The following CSGALNACT1 variants were observed in gnomAD, a reference collection of about 807,000 sequenced individuals.
CSGALNACT1 encodes beta4GalNAcT-1.
A neutral mutation model predicts 51.0 loss-of-function variants in CSGALNACT1; 52 were observed. The ratio of observed to expected loss-of-function variants is 1.02; its 90% CI spans 0.82 to 1.29. The LOEUF (loss-of-function observed/expected upper bound fraction) is 1.29, where lower values mean the gene tolerates loss of function less well. Among genes scored for constraint, CSGALNACT1 ranks in the 50% most tolerant of loss-of-function variants. The pLI is 0.00. For missense variants in CSGALNACT1, 935 were observed against 679.2 expected (o/e 1.38, Z -4.19); for synonymous variants, 341 against 254.4 (o/e 1.34, Z -3.24).
intron 3 of CSGALNACT1, among the ~76,000 whole-genome samples, chr8:19,528,352 C>T (rs75376882): frequency 0.076 from 11,542 of 151,776 alleles, 567 homozygotes; most frequent in Middle Eastern, 0.15. Flanking sequence ...TGTTATTCCG[C>T]TATTAGACAT....
intron 3 of CSGALNACT1, among the ~76,000 whole-genome samples, chr8:19,529,579 T>C (rs1039748375): frequency 6.6e-6 from 1 of 152,164 alleles, no homozygotes; most frequent in African/African-American, 2.4e-5. Flanking sequence ...AGTTATCAAA[T>C]ACGTATCAAT....
In CSGALNACT1 at chr8:19,415,654, G is replaced by A. The variant is rs116918919; in HGVS notation, c.1227+3002C>T. ...AGAAAAATCTTTTGGATTGTAAAAC[G>A]AAAACAATTCCTTGCAAGCAAATAA... On this transcript the variant is annotated intron_variant, in intron 8 of 9. Transcript: ENST00000454498. 7.5e-4 allele frequency among the ~76,000 whole-genome samples: 114 copies of A among 152,278 alleles called. 1 individual carries two copies. The East Asian group carries it at 0.019, about 25-fold the overall frequency.
chr8:19,631,770 A>G (rs1029496649), intron 1 of CSGALNACT1, among the ~76,000 whole-genome samples: 2 of 152,216 alleles, frequency 1.3e-5, no homozygotes, highest in African/African-American at 4.8e-5. Flanking sequence ...TTTCTTTAGC[A>G]TTTCTGGATT....
chr8:19,590,682 C>T (rs1271479475), intron 3 of CSGALNACT1, among the ~76,000 whole-genome samples: 2 of 117,352 alleles, frequency 1.7e-5, no homozygotes, highest in Admixed American at 1.2e-4. Context: ...TGGAGTCTCG[C>T]TCTGTCGCCC....
intron 4 of CSGALNACT1, among the ~76,000 whole-genome samples, chr8:19,470,236 T>C (rs1033790850): frequency 6.6e-6 from 1 of 152,018 alleles, no homozygotes; most frequent in African/African-American, 2.4e-5. Flanking sequence ...AGAGAAAGCT[T>C]GGGGCAAGGA....
intron 1 of CSGALNACT1, among the ~76,000 whole-genome samples, chr8:19,656,603 CA>C (rs1564362138): frequency 4.8e-4 from 18 of 37,114 alleles, no homozygotes; most frequent in Non-Finnish European, 9.2e-4. Flanking sequence ...CCCCCCCCCA[CA>C]CACACACACG....
At chr8:19,740,297 G>A (rs913184553) in intron 1 of CSGALNACT1, among the ~76,000 whole-genome samples, 1 of 152,062 alleles carries the variant, frequency 6.6e-6, no homozygotes, top group African/African-American at 2.4e-5. Context: ...TGTCTCACCC[G>A]AGTCACATGA....
chr8:19,497,229 G>C (rs760870020), intron 4 of CSGALNACT1, among the ~76,000 whole-genome samples: 1 of 152,212 alleles, frequency 6.6e-6, no homozygotes, highest in Non-Finnish European at 1.5e-5. Context: ...TGAATAACAA[G>C]AAACAGCAGA....
At chr8:19,646,554 A>G (rs2057297759) in intron 1 of CSGALNACT1, among the ~76,000 whole-genome samples, 3 of 152,356 alleles carry the variant, frequency 2.0e-5, no homozygotes, top group Middle Eastern at 3.4e-3. Flanking sequence ...ACAGCCCCTT[A>G]TATTGGTATA....
intron 4 of CSGALNACT1, among the ~76,000 whole-genome samples, chr8:19,461,871 G>T (rs78359286): frequency 2.3e-5 from 3 of 131,160 alleles, no homozygotes; most frequent in Non-Finnish European, 5.3e-5. Flanking sequence ...CATGGAGGGC[G>T]TATCCACACA....
intron 1 of CSGALNACT1, among the ~76,000 whole-genome samples, chr8:19,681,029 A>G (rs1027229379): frequency 4.6e-5 from 7 of 152,126 alleles, no homozygotes; most frequent in African/African-American, 1.4e-4. Flanking sequence ...TTACACACCA[A>G]TACTACTCCA....
At chr8:19,562,708 T>C (rs775261976) in intron 3 of CSGALNACT1, among the ~76,000 whole-genome samples, 57 of 152,246 alleles carry the variant, frequency 3.7e-4, no homozygotes, top group Non-Finnish European at 5.3e-4. Flanking sequence ...ATTAGAGAAA[T>C]GCAAACCAAA....
At chr8:19,418,781 A>G (rs1054937925) in intron 7 of CSGALNACT1, 31 bp from the exon 7 acceptor site, 1 of 1,456,382 alleles carries the variant, frequency 6.9e-7, no homozygotes, top group Middle Eastern at 1.7e-4. Context: ...ATTCACTTAA[A>G]GTGACAGATC....
At chr8:19,490,277 G>A (rs996954600) in intron 4 of CSGALNACT1, among the ~76,000 whole-genome samples, 1 of 152,138 alleles carries the variant, frequency 6.6e-6, no homozygotes, top group African/African-American at 2.4e-5. Flanking sequence ...GACTCACACT[G>A]GTTTTCACAG....
At chr8:19,538,913 C>T (rs943203116) in intron 3 of CSGALNACT1, among the ~76,000 whole-genome samples, 33 of 152,116 alleles carry the variant, frequency 2.2e-4, no homozygotes, top group Admixed American at 9.8e-4. Flanking sequence ...CTGCCTGGAC[C>T]GCTCATCCTG....
intron 5 of CSGALNACT1, among the ~76,000 whole-genome samples, chr8:19,442,810 A>AT (rs1421630908): frequency 6.6e-6 from 1 of 152,056 alleles, no homozygotes; most frequent in Non-Finnish European, 1.5e-5. Flanking sequence ...CTCTTTTCTT[A>AT]TGTGGGCCAA....
At chr8:19,595,350 G>T (rs952390967) in intron 2 of CSGALNACT1, among the ~76,000 whole-genome samples, 2 of 152,144 alleles carry the variant, frequency 1.3e-5, no homozygotes, top group African/African-American at 2.4e-5. Context: ...TCCAATCCAA[G>T]AATTGGTACT....
chr8:19,410,967 C>A (rs970392872), intron 8 of CSGALNACT1, among the ~76,000 whole-genome samples: 8 of 152,178 alleles, frequency 5.3e-5, no homozygotes, highest in Non-Finnish European at 8.8e-5. Flanking sequence ...AGCACACATC[C>A]GATTATATCA....
chr8:19,610,612 G>C (rs2052103308), intron 1 of CSGALNACT1, among the ~76,000 whole-genome samples: 1 of 152,162 alleles, frequency 6.6e-6, no homozygotes, highest in African/African-American at 2.4e-5. Flanking sequence ...AGCAGAAGGA[G>C]AACAATGCAG....
Sources: allele counts gnomAD v4.1 joint callset (sites outside exome capture counted in the v4.1 genomes callset), GRCh38; gene constraint gnomAD v4.1.1; transcripts MANE v1.5; gene names NCBI Gene and HGNC (gene_info 2026-07-23, HGNC 2026-07-21).